The following MTTP variants were observed in gnomAD, a reference collection of about 807,000 sequenced individuals.
The protein encoded by MTTP is microsomal triglyceride transfer protein large subunit.
Under a neutral mutation model 90.6 loss-of-function variants are expected in MTTP, and 49 were observed. That is an observed-to-expected ratio of 0.54 (90% CI 0.43 to 0.69). The LOEUF (loss-of-function observed/expected upper bound fraction) is 0.69. Ranked by LOEUF, MTTP falls within the 30% of genes least tolerant of loss-of-function variation. The pLI, the probability that MTTP is intolerant of heterozygous loss-of-function variation, is 0.00. For synonymous variants in MTTP, 347 were observed against 384.2 expected, an observed-to-expected ratio of 0.90 and a Z score of 1.13; for missense variants, 945 against 1,067.5, an observed-to-expected ratio of 0.89 and a Z score of 1.60.
At chr4:99,589,265 A>G (rs540231314) in intron 3 of MTTP, among the ~76,000 whole-genome samples, 1 of 151,106 alleles carries the variant, frequency 6.6e-6, no homozygotes, top group Admixed American at 6.6e-5. Flanking sequence ...CTATTATTTT[A>G]AACCTTAGTT....
intron 1 of MTTP, among the ~76,000 whole-genome samples, chr4:99,567,394 A>C (rs1724728124): frequency 6.6e-6 from 1 of 152,190 alleles, no homozygotes; most frequent in Admixed American, 6.5e-5. Context: ...ACTTAATATC[A>C]GCAACTGTGT....
chr4:99,620,882 C>T (rs1726212647), intron 16 of MTTP, 179 bp from the exon 17 acceptor site: 14 of 627,096 alleles, frequency 2.2e-5, no homozygotes, highest in Non-Finnish European at 3.6e-5. Context: ...ATATCTGAGA[C>T]TCACCAGGCC....
At chr4:99,602,763 A>G (rs1725728496) in intron 10 of MTTP, among the ~76,000 whole-genome samples, 2 of 152,128 alleles carry the variant, frequency 1.3e-5, no homozygotes, top group African/African-American at 2.4e-5. Flanking sequence ...TACTTCAGCT[A>G]TTTGTGTATT....
intron 3 of MTTP, among the ~76,000 whole-genome samples, chr4:99,587,299 A>G (rs1182435616): frequency 2.6e-5 from 4 of 152,296 alleles, no homozygotes; most frequent in Non-Finnish European, 5.9e-5. Context: ...GCAGTCATAT[A>G]AAAGAAAAAG....
chr4:99,570,666 C>T (rs748667939), upstream of MTTP: 75 of 455,362 alleles, frequency 1.6e-4, 3 homozygotes, highest in Middle Eastern at 0.012. Context: ...AATCCACAGA[C>T]CTCAGGGTAA....
chr4:99,601,749 T>G (rs375227240), intron 10 of MTTP, 35 bp downstream of exon 10: 15 of 1,458,236 alleles, frequency 1.0e-5, no homozygotes, highest in Admixed American at 1.7e-5. Flanking sequence ...ATTACATCAT[T>G]CTACACCATT....
At chr4:99,590,836 TACACACACACAC>T (rs34529437) in intron 4 of MTTP, among the ~76,000 whole-genome samples, 1 of 148,314 alleles carries the variant, frequency 6.7e-6, no homozygotes, top group Non-Finnish European at 1.5e-5. Flanking sequence ...TAGTTGAAGT[TACACACACACAC>T]ACACACACAC....
At chr4:99,577,077 C>T (rs1179077088) in intron 1 of MTTP, among the ~76,000 whole-genome samples, 1 of 152,118 alleles carries the variant, frequency 6.6e-6, no homozygotes, top group Non-Finnish European at 1.5e-5. Flanking sequence ...AGCTTCTTTA[C>T]CTAGATGGAA....
chr4:99,615,866 G>A (rs1407162227), intron 15 of MTTP, among the ~76,000 whole-genome samples: 15 of 152,156 alleles, frequency 9.9e-5, no homozygotes, highest in Admixed American at 9.8e-4. Context: ...AACACTTATG[G>A]GACCAAGAGG....
In MTTP at chr4:99,583,746, A is replaced by G. The variant is rs1725186024; in HGVS notation, c.393+229A>G. The G allele has an allele frequency of 6.5e-6, 4 of 611,994 alleles. No individual in the cohort carries two copies. In the East Asian group the frequency reaches 8.3e-5, roughly 13 times the overall value. The allele number at this position is 611,994 out of a possible 1,614,324, so 37.9% of individuals were successfully genotyped here. A position where few individuals can be genotyped will look rare whatever the true frequency, so the allele number is the denominator to read the frequency against. On this transcript the variant is annotated intron_variant, in intron 3 of 17. Transcript: ENST00000265517. Reference sequence around the variant, plus strand: ...GTTTCCTATTTTTCTGGAAATCTTTATAGTGGAATGAAGTATTTATTTATT... The same window carrying G: ...GTTTCCTATTTTTCTGGAAATCTTTGTAGTGGAATGAAGTATTTATTTATT...
At chr4:99,613,700 A>G (rs981711309) in intron 15 of MTTP, among the ~76,000 whole-genome samples, 2 of 152,212 alleles carry the variant, frequency 1.3e-5, no homozygotes, top group Non-Finnish European at 2.9e-5. Context: ...AGAGTATAGG[A>G]GTACTTTCAT....
At chr4:99,566,780 A>G (rs1724712670) in intron 1 of MTTP, among the ~76,000 whole-genome samples, 1 of 152,232 alleles carries the variant, frequency 6.6e-6, no homozygotes, top group Admixed American at 6.5e-5. Flanking sequence ...AGTTGGTAGA[A>G]TAAGAAGGAG....
Position 99,612,897 on chromosome 4 carries a change from T to C in MTTP, c.1990-16T>C. 1 of 1,606,274 alleles carries C rather than the reference T, an allele frequency of 6.2e-7. No individual in the cohort carries two copies. Among genetic ancestry groups the C allele is most frequent in the Non-Finnish European group, 8.5e-7 (1 of 1,173,034 alleles). ...CAGGGAGCTTGCGTCATGAACATTA[T>C]ATTGATTTTATCCAGGTGGTTATTG... On this transcript the variant is annotated splice_polypyrimidine_tract_variant and intron_variant, in intron 14 of 17. Transcript: ENST00000265517.
At chr4:99,566,586 C>G (rs781500455) in intron 1 of MTTP, among the ~76,000 whole-genome samples, 2 of 152,032 alleles carry the variant, frequency 1.3e-5, no homozygotes, top group Non-Finnish European at 2.9e-5. Flanking sequence ...GATAAAAGTT[C>G]CAGGAGAGAA....
intron 15 of MTTP, among the ~76,000 whole-genome samples, chr4:99,617,354 C>T (rs896186928): frequency 2.6e-5 from 4 of 152,102 alleles, no homozygotes; most frequent in African/African-American, 7.2e-5. Context: ...AGCTTCATGC[C>T]GCAACCGTAC....
rs1000417569 is a variant in MTTP at position 99,600,414 on chromosome 4, GAA to G, written c.1068-149_1068-148del. ...ATAAAATGGGGAGGGGTCTTTTTGA[GAA>G]AGTCTTAATCATTTTTTCATTTGTT... On this transcript the variant is annotated intron_variant, in intron 8 of 17. Transcript: ENST00000265517. 3.8e-6 allele frequency: 3 copies of G among 799,634 alleles called. No individual in the cohort carries two copies. In the Admixed American group the frequency reaches 7.9e-5, roughly 21 times the overall value. 49.5% of individuals were successfully genotyped at this position (799,634 alleles called of 1,614,324 possible). A position where few individuals can be genotyped will look rare whatever the true frequency, so the allele number is the denominator to read the frequency against.
chr4:99,613,203 A>G lies in MTTP; in HGVS notation c.2217+63A>G, dbSNP rs1012841991. On this transcript the variant is annotated intron_variant, in intron 15 of 17. Transcript: ENST00000265517. Reference sequence around the variant, plus strand: ...AAAATACGCCAGGCACGTTTTAAATATGCTTAGTTCTTGGAGGATACAAGA... The same window carrying G: ...AAAATACGCCAGGCACGTTTTAAATGTGCTTAGTTCTTGGAGGATACAAGA... The G allele has an allele frequency of 3.6e-6, 5 of 1,405,170 alleles. No individual in the cohort carries two copies. The African/African-American group carries it at 7.1e-5, about 20-fold the overall frequency. The allele number at this position is 1,405,170 out of a possible 1,614,324, so 87.0% of individuals were successfully genotyped here.
intron 1 of MTTP, among the ~76,000 whole-genome samples, chr4:99,578,803 G>A (rs974860127): frequency 6.6e-6 from 1 of 152,148 alleles, no homozygotes; most frequent in African/African-American, 2.4e-5. Context: ...TTGCTATGTT[G>A]GGTTGAACTT....
In MTTP at chr4:99,583,594, G is replaced by T. The variant is rs766377187; in HGVS notation, c.393+77G>T. On this transcript the variant is annotated intron_variant, in intron 3 of 17. Coordinates refer to ENST00000265517, the MANE Select transcript of MTTP (RefSeq NM_001386140.1). ...TCCCTTCAGTAGATATTATTTTGAG[G>T]TAATCACATTGTAACTACTTTTATG... 3.3e-6 allele frequency: 5 copies of T among 1,532,254 alleles called. No individual in the cohort carries two copies. The African/African-American group carries it at 6.8e-5, about 21-fold the overall frequency. The allele number at this position is 1,532,254 out of a possible 1,614,324, so 94.9% of individuals were successfully genotyped here. A position where few individuals can be genotyped will look rare whatever the true frequency, so the allele number is the denominator to read the frequency against.
Sources: allele counts gnomAD v4.1 joint callset (sites outside exome capture counted in the v4.1 genomes callset), GRCh38; gene constraint gnomAD v4.1.1; transcripts MANE v1.5; gene names NCBI Gene and HGNC (gene_info 2026-07-23, HGNC 2026-07-21).